PLEKHA4: variants seen among roughly 807,000 people sequenced by gnomAD.
PLEKHA4 encodes the protein pleckstrin homology domain-containing family A member 4.
A neutral mutation model predicts 94.7 loss-of-function variants in PLEKHA4; 73 were observed. The ratio of observed to expected loss-of-function variants is 0.77; its 90% CI spans 0.64 to 0.94. The LOEUF (loss-of-function observed/expected upper bound fraction) is 0.94. Among genes scored for constraint, PLEKHA4 ranks in the 40% least tolerant of loss-of-function variants. The probability of loss-of-function intolerance (pLI) is 0.00; values close to 1 mark genes in which losing one functional copy is unlikely to be tolerated. For missense variants in PLEKHA4, 1,049 were observed against 1,054.1 expected (o/e 1.00, Z 0.07); for synonymous variants, 449 against 437.1 (o/e 1.03, Z -0.34).
chr19:48,860,898 A>C (rs1599924932), intron 5 of PLEKHA4, among the ~76,000 whole-genome samples: 1 of 119,052 alleles, frequency 8.4e-6, no homozygotes. Context: ...GGAAAGGAAA[A>C]TGGAAAGGAA....
chr19:48,866,498 G>A (rs1464779183), intron 2 of PLEKHA4, among the ~76,000 whole-genome samples: 2 of 152,046 alleles, frequency 1.3e-5, no homozygotes, highest in Non-Finnish European at 2.9e-5. Flanking sequence ...GCAGAGACGC[G>A]GTTTCGCCAT....
At chr19:48,863,060 G>A (rs1033397459) in intron 3 of PLEKHA4, among the ~76,000 whole-genome samples, 3 of 151,552 alleles carry the variant, frequency 2.0e-5, no homozygotes, top group African/African-American at 7.3e-5. Flanking sequence ...ACTACTCATC[G>A]CCTCTGCCTG....
rs531631010 is a variant in PLEKHA4 at position 48,861,584 on chromosome 19, G to T, written c.265+36C>A. 2.5e-6 allele frequency: 4 copies of T among 1,611,868 alleles called. No homozygotes were observed. The Admixed American group carries it at 6.7e-5, about 27-fold the overall frequency. On this transcript the variant is annotated intron_variant, in intron 4 of 19. Coordinates refer to ENST00000263265, the MANE Select transcript of PLEKHA4 (RefSeq NM_020904.3). Reference sequence around the variant, plus strand: ...AGAGAAGGGCAGACTGGGCGGGGGGGCCCTCCCACCCCAAGCCAGCCAGCC... The same window carrying T: ...AGAGAAGGGCAGACTGGGCGGGGGGTCCCTCCCACCCCAAGCCAGCCAGCC...
At chr19:48,864,027 G>A (rs1334661784) in intron 3 of PLEKHA4, among the ~76,000 whole-genome samples, 2 of 152,134 alleles carry the variant, frequency 1.3e-5, no homozygotes, top group African/African-American at 4.8e-5. Flanking sequence ...CAAGTCCCCA[G>A]ATGACGCTGA....
Position 48,857,442 on chromosome 19 carries a change from G to T in PLEKHA4, c.1027C>A (p.Arg343=). The T allele has an allele frequency of 6.4e-7, 1 of 1,553,174 alleles. No homozygotes were observed. Among genetic ancestry groups the T allele is most frequent in the Non-Finnish European group, 8.7e-7 (1 of 1,154,496 alleles). The change falls in exon 9 of 20, where the codon CGG becomes AGG. Residue 343 remains arginine, a synonymous_variant. Coordinates refer to ENST00000263265, the MANE Select transcript of PLEKHA4 (RefSeq NM_020904.3). ...CCTACCAATAAAACCATGGAGGCCC[G>T]GGTCCCAGGGGGCCGCGGGGGGAGC... is the stretch of plus-strand genomic sequence containing the variant. ...LQLPPRPPGT[R]ASMVLLPGPP...
At position 48,860,331 on chromosome 19, in the gene PLEKHA4, G is replaced by A; in HGVS notation, c.476+19C>T. On this transcript the variant is annotated intron_variant, in intron 6 of 19. Coordinates refer to ENST00000263265, the MANE Select transcript of PLEKHA4 (RefSeq NM_020904.3). Reference sequence around the variant, plus strand: ...ACTCAGGGTGGAGGGTCAGGAGCATGGCTTGGACCTCTACTCACTAGTCGT... The same window carrying A: ...ACTCAGGGTGGAGGGTCAGGAGCATAGCTTGGACCTCTACTCACTAGTCGT... The A allele has an allele frequency of 6.2e-7, 1 of 1,600,540 alleles. No individual in the cohort carries two copies. The highest frequency in any genetic ancestry group is 8.6e-7 in the Non-Finnish European group (1 of 1,168,784).
intron 13 of PLEKHA4, among the ~76,000 whole-genome samples, chr19:48,850,479 G>A (rs2036141688): frequency 6.6e-6 from 1 of 151,884 alleles, no homozygotes; most frequent in Admixed American, 6.6e-5. Flanking sequence ...ACTCCAGCCT[G>A]GCGACAGAGC....
chr19:48,844,272 A>G, intron 16 of PLEKHA4: 1 of 183,198 alleles, frequency 5.5e-6, no homozygotes, highest in Non-Finnish European at 1.0e-5. Context: ...CTCCTGCCTC[A>G]GCCTCCCAAG....
intron 9 of PLEKHA4, among the ~76,000 whole-genome samples, chr19:48,855,667 T>C (rs964734234): frequency 2.1e-4 from 32 of 151,780 alleles, no homozygotes; most frequent in African/African-American, 7.5e-4. Context: ...TACATGCCTG[T>C]AGTCTCAGCT....
chr19:48,868,615 G>T lies in PLEKHA4; in HGVS notation c.-539C>A. The T allele has an allele frequency of 6.6e-6, 1 of 152,160 alleles. No homozygotes were observed. Among genetic ancestry groups the T allele is most frequent in the Non-Finnish European group, 1.5e-5 (1 of 68,296 alleles). The allele number at this position is 152,160 out of a possible 1,614,324, so 9.4% of individuals were successfully genotyped here. A position where few individuals can be genotyped will look rare whatever the true frequency, so the allele number is the denominator to read the frequency against. ...CTCTCCCAGTTTCTCTTTCCTCTCT[G>T]CTGGTCTTTCCCTGCCTCTGCCAGC... On this transcript the variant is annotated 5_prime_UTR_variant, in exon 1 of 20. Transcript: ENST00000263265.
At chr19:48,860,023 G>A in intron 6 of PLEKHA4, 1 of 558,134 alleles carries the variant, frequency 1.8e-6, no homozygotes, top group Non-Finnish European at 3.1e-6. Context: ...TCTTTTACCT[G>A]GCATTGTTTA....
chr19:48,843,369 C>T (rs947749335), intron 16 of PLEKHA4, among the ~76,000 whole-genome samples: 1 of 151,912 alleles, frequency 6.6e-6, no homozygotes, highest in Non-Finnish European at 1.5e-5. Context: ...TTAGTAGAGA[C>T]GGGGTTACAC....
At chr19:48,841,443 T>C (rs1356353398) in intron 16 of PLEKHA4, 133 bp from the exon 17 acceptor site, 2 of 939,636 alleles carry the variant, frequency 2.1e-6, no homozygotes, top group Non-Finnish European at 3.0e-6. Context: ...CCTGGCCAAC[T>C]TGGCGAAATA....
At chr19:48,838,181 G>T in intron 18 of PLEKHA4, 52 bp from the exon 19 acceptor site, 2 of 1,048,680 alleles carry the variant, frequency 1.9e-6, no homozygotes, top group Non-Finnish European at 2.9e-6. Flanking sequence ...GGGGAGAGGT[G>T]GGGGATGGTT....
rs1030054115 is a variant in PLEKHA4, at chr19:48,837,938, C to A, written c.2077+79G>T. On this transcript the variant is annotated intron_variant, in intron 19 of 19. Coordinates refer to ENST00000263265, the MANE Select transcript of PLEKHA4 (RefSeq NM_020904.3). The surrounding 1 kb of genome is among the most constrained non-coding windows in gnomAD (Gnocchi z 4.3). ...AATTCTCACCGGCCCCCAGACCCCT[C>A]CTCTCCAGGACCTGGGATTCCAGGT... The A allele has an allele frequency of 3.3e-6, 4 of 1,214,246 alleles. No individual in the cohort carries two copies. In the African/African-American group the frequency reaches 6.1e-5, roughly 19 times the overall value. 75.2% of individuals were successfully genotyped at this position (1,214,246 alleles called of 1,614,324 possible). A position where few individuals can be genotyped will look rare whatever the true frequency, so the allele number is the denominator to read the frequency against.
At chr19:48,853,586 G>A (rs1599897873) in intron 12 of PLEKHA4, 96 bp downstream of exon 12, 1 of 1,230,236 alleles carries the variant, frequency 8.1e-7, no homozygotes, top group Admixed American at 3.5e-5. Flanking sequence ...TCTGAAGAAC[G>A]ATCTTCCTAT....
At chr19:48,841,373 C>G (rs2035762122) in intron 16 of PLEKHA4, 63 bp from the exon 17 acceptor site, 2 of 1,498,740 alleles carry the variant, frequency 1.3e-6, no homozygotes, top group Admixed American at 2.1e-5. Flanking sequence ...CTCGTGTAAT[C>G]CCAGCACTTT....
rs142356766 is a variant in PLEKHA4 at position 48,837,515 on chromosome 19, C to G, written c.2114G>C (p.Gly705Ala). Residue 705 changes from glycine to alanine, a missense_variant, in exon 20 of 20, where the codon GGT becomes GCT. Transcript: ENST00000263265. The surrounding 1 kb of genome is among the most constrained non-coding windows in gnomAD (Gnocchi z 4.3). ...NLDSQGDPLP[G>A]VPLPPSDPTR... ...GGGGTCCGAAGGAGGCAGCGGCACA[C>G]CGGGAAGAGGGTCTCCCTGGGAGTC... is the stretch of plus-strand genomic sequence containing the variant. The G allele has an allele frequency of 1.1e-4, 180 of 1,613,180 alleles. 1 individual carries two copies. In the African/African-American group the frequency reaches 2.1e-3, roughly 19 times the overall value.
Position 48,854,024 on chromosome 19 carries a change from G to C in PLEKHA4, c.1159C>G (p.Gln387Glu). ...CCCCGCACCTTCTCCTCCTGCTTCTGGTCTATCTCCTCCTGCAGCCTCCGC... is the reference window on the plus strand; with the variant it reads ...CCCCGCACCTTCTCCTCCTGCTTCTCGTCTATCTCCTCCTGCAGCCTCCGC... ...LLRRLQEEIDQKQEEKEQLEA... is the reference protein window; with the variant it reads ...LLRRLQEEIDEKQEEKEQLEA... Residue 387 changes from glutamine (Q) to glutamate (E), a missense_variant, in exon 11 of 20, where the codon CAG becomes GAG. Transcript: ENST00000263265. The C allele has an allele frequency of 6.2e-7, 1 of 1,614,092 alleles. No individual in the cohort carries two copies. The highest frequency in any genetic ancestry group is 8.5e-7 in the Non-Finnish European group (1 of 1,180,012).
Sources: gnomAD v4.1 joint callset for allele counts (sites outside exome capture counted in the v4.1 genomes callset) on GRCh38, gnomAD v4.1.1 for gene constraint, Gnocchi (gnomAD v3.1) non-coding constraint, MANE v1.5 for transcripts, NCBI Gene and HGNC (gene_info 2026-07-23, HGNC 2026-07-21) for gene names.